Variants in TLCD4 observed in about 807,000 individuals in gnomAD.
TLCD4 encodes the protein TLC domain containing 4, also known as TLC domain-containing protein 4.
TLCD4 carries 7 observed loss-of-function variants against 24.2 expected under a neutral mutation model. The ratio of observed to expected loss-of-function variants is 0.29; its 90% CI spans 0.16 to 0.54. The LOEUF is 0.54. Ranked by LOEUF, TLCD4 falls within the 20% of genes least tolerant of loss-of-function variation. The pLI is 0.95. For missense variants in TLCD4, 259 were observed against 313.9 expected (o/e 0.82, Z 1.32); for synonymous variants, 103 against 106.4 (o/e 0.97, Z 0.20).
chr1:95,184,953 C>T (rs1678776347), intron 6 of TLCD4, among the ~76,000 whole-genome samples: 1 of 151,734 alleles, frequency 6.6e-6, no homozygotes, highest in Admixed American at 6.6e-5. Context: ...AAAGACCAGG[C>T]ACTGGTTAGA....
chr1:95,174,014 C>T, intron 6 of TLCD4, 125 bp downstream of exon 6: 1 of 1,333,698 alleles, frequency 7.5e-7, no homozygotes, highest in Non-Finnish European at 1.0e-6. Flanking sequence ...GAATTGTTAT[C>T]ACCATCATAC....
chr1:95,151,421 T>G lies in TLCD4; in HGVS notation c.399+2T>G, dbSNP rs1677486914. The G allele has an allele frequency of 6.2e-7, 1 of 1,611,780 alleles. No individual in the cohort carries two copies. The highest frequency in any genetic ancestry group is 1.3e-5 in the African/African-American group (1 of 74,842). ...CTGTATGCATACTACCTTGTACTGG[T>G]GAGTTCCAGGATTTTCTGTAGCCTA... On this transcript the variant is annotated splice_donor_variant, in intron 5 of 6. Coordinates refer to ENST00000370203, the MANE Select transcript of TLCD4 (RefSeq NM_152487.3). LOFTEE classifies it high-confidence loss of function.
rs752494223 is a variant in TLCD4, at chr1:95,143,944, A to G, written c.43A>G (p.Ser15Gly). The change falls in exon 2 of 7, where the codon AGC (serine) becomes GGC (glycine). Residue 15 changes from serine to glycine, a missense_variant. Physicochemically the swap from Ser to Gly is moderately conservative, Grantham distance 56. Transcript: ENST00000370203. ...TKLLISVTCI[S>G]FFTFQLLFYF... ...ACTGCTCATCAGTGTTACCTGTATC[A>G]GCTTTTTCACCTTTCAGCTTCTTTT... 2 of 1,562,002 alleles carry G rather than the reference A, an allele frequency of 1.3e-6. No homozygotes were observed. Among genetic ancestry groups the G allele is most frequent in the East Asian group, 2.4e-5 (1 of 42,006 alleles).
At chr1:95,123,257 T>G (rs2100903192) in intron 1 of TLCD4, among the ~76,000 whole-genome samples, 1 of 152,326 alleles carries the variant, frequency 6.6e-6, no homozygotes, top group South Asian at 2.1e-4. Flanking sequence ...TAGAATGAGG[T>G]TTCCTTCCCT....
upstream of TLCD4, among the ~76,000 whole-genome samples, chr1:95,113,844 A>G (rs1676382726): frequency 6.6e-6 from 1 of 152,008 alleles, no homozygotes; most frequent in Non-Finnish European, 1.5e-5. Flanking sequence ...TCTGTATTTT[A>G]TGGGCTGCCT....
At chr1:95,164,706 T>C (rs1334650344) in intron 5 of TLCD4, 1 of 152,212 alleles carries the variant, frequency 6.6e-6, no homozygotes, top group Non-Finnish European at 1.5e-5. Flanking sequence ...ACTCCTACTT[T>C]GCTTCTCAGT....
At chr1:95,111,323 A>AAAAAAAAAAAAAAG in the TLCD4 span, among the ~76,000 whole-genome samples, 2 of 128,220 alleles carry the variant, frequency 1.6e-5, no homozygotes, top group South Asian at 2.6e-4. Flanking sequence ...CAAAACAAAA[A>AAAAAAAAAAAAAAG]AAAAGAAAAG....
chr1:95,141,280 A>G (rs1217886314), intron 1 of TLCD4, among the ~76,000 whole-genome samples: 4 of 147,062 alleles, frequency 2.7e-5, no homozygotes, highest in African/African-American at 1.1e-4. Flanking sequence ...GCTTTTAAAT[A>G]CAGTAGTTAA....
chr1:95,101,309 A>G, the TLCD4 span, among the ~76,000 whole-genome samples: 1 of 151,830 alleles, frequency 6.6e-6, no homozygotes, highest in Non-Finnish European at 1.5e-5. Context: ...GCTAGAGTAC[A>G]GTGGCGTGAT....
rs568681145 is a variant in TLCD4 at position 95,160,229 on chromosome 1, G to A, written c.399+8810G>A. On this transcript the variant is annotated intron_variant, in intron 5 of 6. Coordinates refer to ENST00000370203, the MANE Select transcript of TLCD4 (RefSeq NM_152487.3). ...CTTGAAGAGGTCCTTCACATCCCTT[G>A]TAAGTTGGATTCCTAGGTATTTTAT... Among the ~76,000 whole-genome samples, 5 of 152,270 alleles carry A rather than the reference G, an allele frequency of 3.3e-5. No homozygotes were observed. The South Asian group carries it at 8.3e-4, about 25-fold the overall frequency.
chr1:95,099,181 A>C, the TLCD4 span, among the ~76,000 whole-genome samples: 1 of 151,902 alleles, frequency 6.6e-6, no homozygotes, highest in Admixed American at 6.6e-5. Flanking sequence ...TAATTCCAGC[A>C]CTTTGGGAGG....
chr1:95,126,145 G>C (rs989277693), intron 1 of TLCD4, among the ~76,000 whole-genome samples: 1 of 150,380 alleles, frequency 6.6e-6, no homozygotes, highest in Non-Finnish European at 1.5e-5. Flanking sequence ...AAAAAAAAGA[G>C]GCCAAGCGCA....
At chr1:95,108,336 A>T in the TLCD4 span, among the ~76,000 whole-genome samples, 1 of 152,128 alleles carries the variant, frequency 6.6e-6, no homozygotes, top group South Asian at 2.1e-4. Context: ...CTTTTTACGA[A>T]TTCCAACGTA....
At chr1:95,115,107 A>T (rs991405640), upstream of TLCD4, among the ~76,000 whole-genome samples, 70 of 91,294 alleles carry the variant, frequency 7.7e-4, no homozygotes, top group Non-Finnish European at 1.3e-3. Context: ...TATATATATA[A>T]TATATATGTT....
At chr1:95,177,886 A>C (rs374743431) in intron 6 of TLCD4, among the ~76,000 whole-genome samples, 18 of 148,814 alleles carry the variant, frequency 1.2e-4, no homozygotes, top group African/African-American at 4.2e-4. Flanking sequence ...GTTTGGCATT[A>C]GTGTGTTTAC....
the TLCD4 span, among the ~76,000 whole-genome samples, chr1:95,098,262 G>T: frequency 6.6e-6 from 1 of 152,056 alleles, no homozygotes; most frequent in South Asian, 2.1e-4. Context: ...ACTAGTCCTC[G>T]CTGCCTCATA....
chr1:95,123,328 T>C (rs1676621836), intron 1 of TLCD4, among the ~76,000 whole-genome samples: 1 of 152,158 alleles, frequency 6.6e-6, no homozygotes, highest in Non-Finnish European at 1.5e-5. Flanking sequence ...ACATGCCCTA[T>C]GGAAAAGTGG....
chr1:95,137,977 GTCC>G (rs1347528524), intron 1 of TLCD4, among the ~76,000 whole-genome samples: 1 of 152,016 alleles, frequency 6.6e-6, no homozygotes, highest in Non-Finnish European at 1.5e-5. Context: ...GCCTGAAGCA[GTCC>G]TCCTACCTGG....
At chr1:95,191,063 G>GT (rs1457717460) in intron 6 of TLCD4, among the ~76,000 whole-genome samples, 2 of 151,790 alleles carry the variant, frequency 1.3e-5, no homozygotes, top group African/African-American at 2.4e-5. Context: ...GATCATACAG[G>GT]TTTTTTTCCT....
Sources: gnomAD v4.1 joint callset for allele counts (sites outside exome capture counted in the v4.1 genomes callset) on GRCh38, gnomAD v4.1.1 for gene constraint, MANE v1.5 for transcripts, NCBI Gene and HGNC (gene_info 2026-07-23, HGNC 2026-07-21) for gene names.